TOGARAM2: variants seen among roughly 807,000 people sequenced by gnomAD.
TOGARAM2 encodes the protein TOG array regulator of axonemal microtubules 2.
In TOGARAM2, 85 loss-of-function variants were observed where a neutral mutation model predicts 93.3. The observed-to-expected ratio is 0.91, with a 90% CI of 0.76 to 1.09. TOGARAM2 has a LOEUF of 1.09. TOGARAM2 is among the 50% of genes least tolerant of loss of function. TOGARAM2 has a pLI of 0.00. For synonymous variants in TOGARAM2, 593 were observed against 552.8 expected, an observed-to-expected ratio of 1.07 and a Z score of -1.02; for missense variants, 1,277 against 1,334.5, an observed-to-expected ratio of 0.96 and a Z score of 0.67.
intron 8 of TOGARAM2, among the ~76,000 whole-genome samples, chr2:29,014,794 C>T (rs1664458968): frequency 6.6e-6 from 1 of 151,558 alleles, no homozygotes; most frequent in Non-Finnish European, 1.5e-5. Context: ...GAACTAGGTG[C>T]AGGGAAGACT....
intron 18 of TOGARAM2, among the ~76,000 whole-genome samples, chr2:29,041,382 C>G (rs367774600): frequency 1.2e-4 from 18 of 152,312 alleles, no homozygotes; most frequent in African/African-American, 4.1e-4. Flanking sequence ...TGTTTCTGTG[C>G]AAGTGAATCA....
chr2:28,976,962 A>C (rs545327234), upstream of TOGARAM2, among the ~76,000 whole-genome samples: 4 of 152,104 alleles, frequency 2.6e-5, no homozygotes, highest in East Asian at 7.7e-4. Context: ...ATAAGCCAGC[A>C]CAGTGTCAGT....
At chr2:28,995,798 A>G (rs942778958) in intron 2 of TOGARAM2, among the ~76,000 whole-genome samples, 1 of 152,236 alleles carries the variant, frequency 6.6e-6, no homozygotes, top group Non-Finnish European at 1.5e-5. Flanking sequence ...GTTCCAGACT[A>G]GGAGTCTTGC....
intron 7 of TOGARAM2, among the ~76,000 whole-genome samples, chr2:29,013,964 C>T (rs1394453781): frequency 6.6e-6 from 1 of 151,836 alleles, no homozygotes; most frequent in Admixed American, 6.6e-5. Context: ...GCAACTCTGC[C>T]CTTTCCTGCT....
chr2:28,994,694 A>T, intron 1 of TOGARAM2, 31 bp from the exon 2 acceptor site: 1 of 768,406 alleles, frequency 1.3e-6, no homozygotes, highest in Non-Finnish European at 2.1e-6. Flanking sequence ...ATTTGCTTTT[A>T]CTGACTTCTC....
At chr2:28,989,583 A>C (rs55697313) in intron 1 of TOGARAM2, among the ~76,000 whole-genome samples, 12,934 of 150,868 alleles carry the variant, frequency 0.086, 714 homozygotes, top group African/African-American at 0.15. Flanking sequence ...ATTTTTGTAG[A>C]GATGAGGTTT....
chr2:28,971,037 G>T (rs752294106), intron 1 of TOGARAM2: 1 of 152,208 alleles, frequency 6.6e-6, no homozygotes, highest in Non-Finnish European at 1.5e-5. Flanking sequence ...CACAGCTGGA[G>T]CCAGCAGGCC....
chr2:28,961,340 A>C (rs1443394725), intron 1 of TOGARAM2, among the ~76,000 whole-genome samples: 1 of 152,014 alleles, frequency 6.6e-6, no homozygotes, highest in African/African-American at 2.4e-5. Flanking sequence ...TTATTATTTA[A>C]TTTTTAATTT....
At chr2:28,994,955 G>A in intron 2 of TOGARAM2, 93 bp downstream of exon 2, 1 of 1,450,786 alleles carries the variant, frequency 6.9e-7, no homozygotes, top group African/African-American at 1.4e-5. Context: ...GGGAGATGTG[G>A]GGATAAAGGG....
intron 19 of TOGARAM2, chr2:29,049,503 G>A (rs777171993): frequency 6.6e-6 from 1 of 152,172 alleles, no homozygotes; most frequent in Non-Finnish European, 1.5e-5. Flanking sequence ...TTGAGTTATC[G>A]TTATTCAGTG....
chr2:29,035,832 G>A (rs566012879), intron 17 of TOGARAM2, among the ~76,000 whole-genome samples, 176 bp downstream of exon 17: 58 of 152,328 alleles, frequency 3.8e-4, no homozygotes, highest in Admixed American at 9.8e-4. Context: ...GCCTCCTGCC[G>A]GCAGCTTGGA....
intron 1 of TOGARAM2, among the ~76,000 whole-genome samples, chr2:28,983,574 T>A (rs1467633880): frequency 6.6e-6 from 1 of 152,100 alleles, no homozygotes; most frequent in Non-Finnish European, 1.5e-5. Context: ...ACATTTAGAT[T>A]TTTTCCAGAT....
At chr2:29,000,063 G>T (rs1016663326) in intron 4 of TOGARAM2, among the ~76,000 whole-genome samples, 7 of 152,104 alleles carry the variant, frequency 4.6e-5, no homozygotes, top group African/African-American at 1.7e-4. Flanking sequence ...TGCCCCTTAG[G>T]ATGCTCTCCA....
chr2:29,035,431 C>T (rs1307367677), intron 16 of TOGARAM2, 33 bp from the exon 17 acceptor site: 1 of 1,326,490 alleles, frequency 7.5e-7, no homozygotes, highest in Non-Finnish European at 9.7e-7. Flanking sequence ...GGGCTCTTCC[C>T]TGGGGGGTTC....
At chr2:29,050,464 C>T (rs995276132) in intron 19 of TOGARAM2, 2 of 151,760 alleles carry the variant, frequency 1.3e-5, no homozygotes, top group Admixed American at 6.6e-5. Flanking sequence ...CTTTGGAGTC[C>T]AGGCAGATTA....
At chr2:29,051,712 G>T (rs1274468894) in intron 19 of TOGARAM2, 44 bp from the exon 20 acceptor site, 2 of 1,427,236 alleles carry the variant, frequency 1.4e-6, no homozygotes, top group East Asian at 5.1e-5. Flanking sequence ...GTGGGAGAGG[G>T]AGAGAGTGCC....
chr2:28,975,960 T>C (rs1349094029), intron 1 of TOGARAM2, among the ~76,000 whole-genome samples: 1 of 18,340 alleles, frequency 5.5e-5, no homozygotes, highest in Non-Finnish European at 2.0e-4. Flanking sequence ...TGACAATATA[T>C]GTACAGGAAT....
intron 14 of TOGARAM2, among the ~76,000 whole-genome samples, chr2:29,028,192 C>G (rs554236421): frequency 3.2e-4 from 48 of 148,750 alleles, no homozygotes; most frequent in Non-Finnish European, 5.1e-4. Context: ...ACTCCATCCT[C>G]GCCCCAACTG....
intron 6 of TOGARAM2, among the ~76,000 whole-genome samples, chr2:29,010,028 GGTGTGTGT>G (rs56239245): frequency 0.076 from 11,260 of 148,596 alleles, 511 homozygotes; most frequent in African/African-American, 0.12. Flanking sequence ...GCTCAGAGCA[GGTGTGTGT>G]GTGTGTGTGT....
Sources: gnomAD v4.1 joint callset for allele counts (sites outside exome capture counted in the v4.1 genomes callset) on GRCh38, gnomAD v4.1.1 for gene constraint, MANE v1.5 for transcripts, NCBI Gene and HGNC (gene_info 2026-07-23, HGNC 2026-07-21) for gene names.